Variants in ATP2B4 observed in about 807,000 individuals in gnomAD.
The protein encoded by ATP2B4 is plasma membrane calcium-transporting ATPase 4.
Under a neutral mutation model 110.3 loss-of-function variants are expected in ATP2B4, and 39 were observed. The observed-to-expected ratio is 0.35, with a 90% CI of 0.27 to 0.46. ATP2B4 has a LOEUF of 0.46. Ranked by LOEUF, ATP2B4 falls within the 20% of genes least tolerant of loss-of-function variation. The pLI is 1.00. For synonymous variants in ATP2B4, 538 were observed against 571.7 expected (o/e 0.94, Z 0.84); for missense variants, 1,135 against 1,530.9 (o/e 0.74, Z 4.32).
chr1:203,663,798 C>T (rs1370732668), intron 1 of ATP2B4, among the ~76,000 whole-genome samples: 1 of 152,036 alleles, frequency 6.6e-6, no homozygotes, highest in African/African-American at 2.4e-5. Flanking sequence ...GAGACGGTGT[C>T]TCACTGTATT....
At chr1:203,695,615 C>T (rs1199158316) in intron 2 of ATP2B4, among the ~76,000 whole-genome samples, 3 of 152,122 alleles carry the variant, frequency 2.0e-5, no homozygotes, top group Admixed American at 6.5e-5. Flanking sequence ...GTGTCTCTCT[C>T]CTAAGCACTA....
chr1:203,686,744 A>AGTG (rs1173281588), intron 2 of ATP2B4, among the ~76,000 whole-genome samples: 1 of 105,158 alleles, frequency 9.5e-6, no homozygotes, highest in African/African-American at 3.9e-5. Context: ...CCCAAGCTGG[A>AGTG]GTGTAATGGC....
At chr1:203,672,324 C>A (rs1471401103) in intron 1 of ATP2B4, among the ~76,000 whole-genome samples, 1 of 79,612 alleles carries the variant, frequency 1.3e-5, no homozygotes, top group Non-Finnish European at 2.2e-5. Flanking sequence ...TGCGGTGGCT[C>A]TTTTTTTTTT....
At chr1:203,634,787 C>T (rs1238040848) in intron 1 of ATP2B4, among the ~76,000 whole-genome samples, 1 of 152,148 alleles carries the variant, frequency 6.6e-6, no homozygotes, top group Non-Finnish European at 1.5e-5. Context: ...CCTCAGCCTC[C>T]CAAGTACCTA....
intron 2 of ATP2B4, among the ~76,000 whole-genome samples, chr1:203,683,747 C>T (rs1432995611): frequency 1.5e-5 from 2 of 132,464 alleles, no homozygotes; most frequent in Non-Finnish European, 3.1e-5. Context: ...GATCATGGCT[C>T]ACTGCAGCCT....
At position 203,734,654 on chromosome 1, in the gene ATP2B4, C is replaced by T. The variant is rs377660226; in HGVS notation, c.3310-4892C>T. ...CCGGGAGTCAGAGGTTGCAGTGAGCCGAGATAGCACCATTGCACTCCAACC... is the reference window on the plus strand; with the variant it reads ...CCGGGAGTCAGAGGTTGCAGTGAGCTGAGATAGCACCATTGCACTCCAACC... On this transcript the variant is annotated intron_variant, in intron 20 of 20. Transcript: ENST00000357681. 1.9e-4 allele frequency among the ~76,000 whole-genome samples: 28 copies of T among 148,932 alleles called. No individual in the cohort carries two copies. In the East Asian group the frequency reaches 5.6e-3, roughly 30 times the overall value.
Position 203,740,312 on chromosome 1 carries a change from T to G in ATP2B4, c.*458T>G, listed in dbSNP as rs568473844. 3 of 159,846 alleles carry G rather than the reference T, an allele frequency of 1.9e-5. No individual in the cohort carries two copies. The highest frequency in any genetic ancestry group is 7.2e-5 in the African/African-American group (3 of 41,646). 9.9% of individuals were successfully genotyped at this position (159,846 alleles called of 1,614,324 possible). On this transcript the variant is annotated 3_prime_UTR_variant, in exon 21 of 21. Transcript: ENST00000357681. ...AGATGGAATGTATAAAATCCGCCAGTAGTGTGATTGTTTTTCAATTTTTCC... is the reference window on the plus strand; with the variant it reads ...AGATGGAATGTATAAAATCCGCCAGGAGTGTGATTGTTTTTCAATTTTTCC...
intron 20 of ATP2B4, chr1:203,733,635 C>G: frequency 2.2e-6 from 1 of 448,264 alleles, no homozygotes; most frequent in Non-Finnish European, 3.9e-6. Flanking sequence ...GACAATAATT[C>G]TGTTTTCTGA....
chr1:203,729,814 T>A, intron 20 of ATP2B4: 1 of 1,294,468 alleles, frequency 7.7e-7, no homozygotes, highest in South Asian at 1.2e-5. Context: ...TGCTTTACAG[T>A]GGTCCTTGGT....
intron 16 of ATP2B4, 46 bp downstream of exon 16, chr1:203,720,786 GC>G: frequency 6.4e-7 from 1 of 1,569,106 alleles, no homozygotes; most frequent in Non-Finnish European, 8.7e-7. Flanking sequence ...TGAGTCAGGG[GC>G]TAAGGAACAT....
chr1:203,673,546 G>A (rs769894619), intron 1 of ATP2B4, among the ~76,000 whole-genome samples: 5 of 152,202 alleles, frequency 3.3e-5, no homozygotes, highest in Non-Finnish European at 5.9e-5. Flanking sequence ...GTGACTTCCA[G>A]GAAATAAGCC....
chr1:203,729,792 C>T (rs1055783320), intron 20 of ATP2B4: 15 of 1,315,638 alleles, frequency 1.1e-5, no homozygotes, highest in Non-Finnish European at 8.1e-6. Context: ...CTGCCTGGAG[C>T]TCACCAGAAG....
chr1:203,645,582 TTTTC>T (rs1255866628), intron 1 of ATP2B4, among the ~76,000 whole-genome samples: 10 of 151,606 alleles, frequency 6.6e-5, no homozygotes, highest in Non-Finnish European at 1.3e-4. Context: ...TTATACTCCC[TTTTC>T]TTTCTTTTTT....
In ATP2B4 at chr1:203,668,760, G is replaced by C. The variant is rs559472366; in HGVS notation, c.-464-13982G>C. ...TGCTCCTTCCACTGTGTGAGCCACT[G>C]TGGACTAGGACAGGACTGATTGGTT... is the stretch of plus-strand genomic sequence containing the variant. On this transcript the variant is annotated intron_variant, in intron 1 of 20. Transcript: ENST00000357681. 8.5e-5 allele frequency among the ~76,000 whole-genome samples: 13 copies of C among 152,306 alleles called. No homozygotes were observed. The South Asian group carries it at 1.0e-3, about 12-fold the overall frequency.
intron 19 of ATP2B4, among the ~76,000 whole-genome samples, chr1:203,725,901 T>C (rs910941442): frequency 8.1e-6 from 1 of 123,592 alleles, no homozygotes; most frequent in Admixed American, 9.5e-5. Flanking sequence ...TTTCTTTTCT[T>C]TTCTTTTTTT....
At chr1:203,716,168 T>G (rs185521749) in intron 15 of ATP2B4, among the ~76,000 whole-genome samples, 1 of 145,010 alleles carries the variant, frequency 6.9e-6, no homozygotes, top group Admixed American at 6.9e-5. Context: ...CATATAGTTG[T>G]ACTCATGACT....
intron 2 of ATP2B4, among the ~76,000 whole-genome samples, chr1:203,690,896 C>T (rs571429484): frequency 6.6e-6 from 1 of 152,284 alleles, no homozygotes; most frequent in African/African-American, 2.4e-5. Flanking sequence ...CCCTCCCCAT[C>T]CCCCACCACA....
In ATP2B4 at chr1:203,651,917, A is replaced by G. The variant is rs567115123; in HGVS notation, c.-465+24698A>G. Among the ~76,000 whole-genome samples the G allele has an allele frequency of 3.3e-5, 5 of 149,860 alleles. 2 individuals are homozygous for G. The highest frequency in any genetic ancestry group is 1.2e-4 in the African/African-American group (5 of 40,702). ...TACTAAAAATAAAAAAAAATTAGCC[A>G]GGCATGGTGGTGGGACGCCTGTAGT... On this transcript the variant is annotated intron_variant, in intron 1 of 20. Coordinates refer to ENST00000357681, the MANE Select transcript of ATP2B4 (RefSeq NM_001684.5).
intron 2 of ATP2B4, among the ~76,000 whole-genome samples, chr1:203,685,319 C>G (rs1356806650): frequency 1.3e-5 from 2 of 152,228 alleles, no homozygotes; most frequent in African/African-American, 4.8e-5. Context: ...CTGGTTTTAG[C>G]ATCTCTGTAG....
Sources: allele counts gnomAD v4.1 joint callset (sites outside exome capture counted in the v4.1 genomes callset), GRCh38; gene constraint gnomAD v4.1.1; transcripts MANE v1.5; gene names NCBI Gene and HGNC (gene_info 2026-07-23, HGNC 2026-07-21).